Variants in SGCD observed in about 807,000 individuals in gnomAD.
SGCD encodes delta-sarcoglycan.
In SGCD, 18 loss-of-function variants were observed where a neutral mutation model predicts 36.6. The observed-to-expected ratio is 0.49, with a 90% CI of 0.34 to 0.73. SGCD has a LOEUF of 0.73. Ranked by LOEUF, SGCD falls within the 30% of genes least tolerant of loss-of-function variation. The pLI, the probability that SGCD is intolerant of heterozygous loss-of-function variation, is 0.01. For missense variants in SGCD, 387 were observed against 346.7 expected (o/e 1.12, Z -0.92); for synonymous variants, 133 against 130.6 (o/e 1.02, Z -0.12).
At chr5:156,078,859 T>C (rs1008923855) in intron 1 of SGCD, among the ~76,000 whole-genome samples, 9 of 150,906 alleles carry the variant, frequency 6.0e-5, no homozygotes, top group Admixed American at 6.6e-5. Context: ...TGTGTGTATA[T>C]GTTAAGTTCT....
At chr5:155,803,021 T>C in the SGCD span, among the ~76,000 whole-genome samples, 1 of 152,182 alleles carries the variant, frequency 6.6e-6, no homozygotes, top group Admixed American at 6.5e-5. Flanking sequence ...AAAATATATG[T>C]TTTCTTAAAA....
At chr5:156,264,041 AGATT>A (rs1414238607) in intron 3 of SGCD, among the ~76,000 whole-genome samples, 1 of 151,998 alleles carries the variant, frequency 6.6e-6, no homozygotes, top group African/African-American at 2.4e-5. Flanking sequence ...AATGTTGTTT[AGATT>A]GATTGTAAAA....
At chr5:155,988,815 T>G (rs1358080894) in intron 1 of SGCD, among the ~76,000 whole-genome samples, 1 of 152,166 alleles carries the variant, frequency 6.6e-6, no homozygotes. Flanking sequence ...ATGTGAGACT[T>G]AAGTGAAACA....
chr5:156,605,207 C>T (rs188436779), intron 6 of SGCD, among the ~76,000 whole-genome samples: 4 of 152,140 alleles, frequency 2.6e-5, no homozygotes, highest in Non-Finnish European at 5.9e-5. Flanking sequence ...CCTCTCCCCC[C>T]ACCCAACAAC....
At chr5:155,754,020 G>A in the SGCD span, among the ~76,000 whole-genome samples, 1 of 152,002 alleles carries the variant, frequency 6.6e-6, no homozygotes, top group Admixed American at 6.6e-5. Context: ...GATATTGCCT[G>A]TTGCGTTCCT....
intron 4 of SGCD, among the ~76,000 whole-genome samples, chr5:156,567,009 C>A (rs1561783224): frequency 6.6e-6 from 1 of 152,110 alleles, no homozygotes. Context: ...GTCCTCTTCT[C>A]ATTAAGTTGA....
At position 156,273,529 on chromosome 5, in the gene SGCD, T is replaced by C. The variant is rs529290761; in HGVS notation, c.-43-56005T>C. On this transcript the variant is annotated intron_variant, in intron 3 of 9. Coordinates refer to the SGCD transcript ENST00000517913. ...ATAACTTTCTAATCGGGCTCTGCTGTAACTCTATGATGGGCTCTTTCCATT... is the reference window on the plus strand; with the variant it reads ...ATAACTTTCTAATCGGGCTCTGCTGCAACTCTATGATGGGCTCTTTCCATT... 5.9e-5 allele frequency among the ~76,000 whole-genome samples: 9 copies of C among 152,338 alleles called. No homozygotes were observed. In the South Asian group the frequency reaches 1.9e-3, roughly 32 times the overall value.
chr5:155,989,242 G>A (rs1408157549), intron 1 of SGCD, among the ~76,000 whole-genome samples: 12 of 152,154 alleles, frequency 7.9e-5, no homozygotes, highest in African/African-American at 2.9e-4. Context: ...TGTGGTTTCT[G>A]CCATTGCAGT....
chr5:155,975,609 CTTTT>C lies in SGCD; in HGVS notation c.-282+105219_-282+105222del, dbSNP rs763067309. ...TGTGTTATTTATTTTTCTTTCTTTC[CTTTT>C]TTTTTTTTTTTTTTTTTTTTTTTTT... On this transcript the variant is annotated intron_variant, in intron 1 of 9. Coordinates refer to the SGCD transcript ENST00000517913. Among the ~76,000 whole-genome samples, 90 of 28,004 alleles carry C rather than the reference CTTTT, an allele frequency of 3.2e-3. 3 individuals carry two copies. Among genetic ancestry groups the C allele is most frequent in the African/African-American group, 7.5e-3 (57 of 7,608 alleles). 18.4% of individuals were successfully genotyped at this position (28,004 alleles called of 152,430 possible).
chr5:156,584,520 G>A lies in SGCD; in HGVS notation c.295-4711G>A, dbSNP rs190274259. The stretch of plus-strand genomic sequence containing the variant: ...ATTAATAAGGGGCAGTTGAAAGAGG[G>A]CACATTCACTACCACATGCCAGATG... On this transcript the variant is annotated intron_variant, in intron 4 of 8. Coordinates refer to ENST00000337851, the MANE Select transcript of SGCD (RefSeq NM_000337.6). Among the ~76,000 whole-genome samples, 606 of 152,304 alleles carry A rather than the reference G, an allele frequency of 4.0e-3. 4 individuals carry two copies. Among genetic ancestry groups the A allele is most frequent in the Non-Finnish European group, 6.7e-3 (459 of 68,022 alleles).
the SGCD span, among the ~76,000 whole-genome samples, chr5:155,746,777 A>G: frequency 1.3e-5 from 2 of 152,156 alleles, no homozygotes; most frequent in Non-Finnish European, 2.9e-5. Flanking sequence ...CTGCCACCCC[A>G]GGAAGGTCAT....
intron 3 of SGCD, among the ~76,000 whole-genome samples, chr5:156,275,257 G>C (rs1335618940): frequency 6.6e-6 from 1 of 152,084 alleles, no homozygotes; most frequent in Non-Finnish European, 1.5e-5. Context: ...CCAGGGCAGA[G>C]ATGTTCAAGT....
At chr5:156,341,069 G>C (rs1488008572) in intron 2 of SGCD, among the ~76,000 whole-genome samples, 1 of 152,180 alleles carries the variant, frequency 6.6e-6, no homozygotes, top group African/African-American at 2.4e-5. Flanking sequence ...ACTCATTAAA[G>C]AGGGTGTGGT....
intron 7 of SGCD, among the ~76,000 whole-genome samples, chr5:156,689,398 A>G (rs1340751554): frequency 6.6e-6 from 1 of 152,176 alleles, no homozygotes; most frequent in Non-Finnish European, 1.5e-5. Flanking sequence ...GTCAGCCTTT[A>G]TACAAAAGGA....
At chr5:156,323,054 T>G (rs938753872), upstream of SGCD, among the ~76,000 whole-genome samples, 7 of 152,142 alleles carry the variant, frequency 4.6e-5, no homozygotes, top group Non-Finnish European at 1.0e-4. Context: ...CTACCCCAGG[T>G]GATTCTAATA....
chr5:155,752,596 A>T, the SGCD span, among the ~76,000 whole-genome samples: 1 of 152,134 alleles, frequency 6.6e-6, no homozygotes, highest in African/African-American at 2.4e-5. Context: ...CTTCCTAGGC[A>T]GGTCTGATTC....
intron 4 of SGCD, among the ~76,000 whole-genome samples, chr5:156,530,290 G>C (rs189994340): frequency 6.6e-5 from 10 of 152,302 alleles, no homozygotes; most frequent in Non-Finnish European, 1.3e-4. Context: ...TTAAAAATAA[G>C]AGAGGAATAT....
intron 1 of SGCD, among the ~76,000 whole-genome samples, chr5:156,071,093 A>G (rs1323309235): frequency 6.6e-6 from 1 of 152,076 alleles, no homozygotes; most frequent in African/African-American, 2.4e-5. Flanking sequence ...TCCTGGATTC[A>G]TTAATATTTT....
At chr5:155,934,128 A>T (rs1757151423) in intron 1 of SGCD, among the ~76,000 whole-genome samples, 2 of 152,248 alleles carry the variant, frequency 1.3e-5, no homozygotes, top group South Asian at 4.1e-4. Context: ...TGACAATCCT[A>T]TCAAGACAGT....
Sources: allele counts gnomAD v4.1 joint callset (sites outside exome capture counted in the v4.1 genomes callset), GRCh38; gene constraint gnomAD v4.1.1; transcripts MANE v1.5; gene names NCBI Gene and HGNC (gene_info 2026-07-23, HGNC 2026-07-21).